The following GTF2IRD1 variants were observed in gnomAD, a reference collection of about 807,000 sequenced individuals.
The protein encoded by GTF2IRD1 is general transcription factor II-I repeat domain-containing protein 1.
Under a neutral mutation model 113.2 loss-of-function variants are expected in GTF2IRD1, and 26 were observed. That is an observed-to-expected ratio of 0.23 (90% CI 0.17 to 0.32). The LOEUF (loss-of-function observed/expected upper bound fraction) is 0.32, where lower values mean the gene tolerates loss of function less well. Ranked by LOEUF, GTF2IRD1 falls within the 10% of genes least tolerant of loss-of-function variation. GTF2IRD1 has a pLI of 1.00. For missense variants in GTF2IRD1, 864 were observed against 1,280.8 expected (o/e 0.67, Z 4.97); for synonymous variants, 484 against 529.1 (o/e 0.91, Z 1.17).
At chr7:74,564,593 A>T (rs1325135325) in intron 22 of GTF2IRD1, among the ~76,000 whole-genome samples, 1 of 151,996 alleles carries the variant, frequency 6.6e-6, no homozygotes, top group Non-Finnish European at 1.5e-5. Flanking sequence ...CTGCAAAGAC[A>T]TTTTTTTAAA....
intron 8 of GTF2IRD1, among the ~76,000 whole-genome samples, chr7:74,524,567 A>G (rs1465610772): frequency 6.6e-6 from 1 of 151,712 alleles, no homozygotes; most frequent in Non-Finnish European, 1.5e-5. Context: ...TCTCTACAAA[A>G]ACAAATTTTT....
intron 6 of GTF2IRD1, among the ~76,000 whole-genome samples, chr7:74,520,217 C>G (rs587633961): frequency 1.3e-5 from 2 of 151,782 alleles, no homozygotes; most frequent in East Asian, 3.9e-4. Flanking sequence ...CCATGAGGAC[C>G]CATTCCAACT....
chr7:74,527,804 G>A (rs1797694192), intron 8 of GTF2IRD1, among the ~76,000 whole-genome samples: 1 of 152,016 alleles, frequency 6.6e-6, no homozygotes, highest in Non-Finnish European at 1.5e-5. Context: ...TTGTGCCGCT[G>A]CACTCCAGCC....
chr7:74,534,651 A>G (rs1798177047), intron 9 of GTF2IRD1, among the ~76,000 whole-genome samples: 1 of 151,454 alleles, frequency 6.6e-6, no homozygotes, highest in Non-Finnish European at 1.5e-5. Flanking sequence ...GAGAGACCCC[A>G]CTCCCCTGCT....
At chr7:74,600,260 A>G (rs1167583255) in intron 25 of GTF2IRD1, among the ~76,000 whole-genome samples, 1 of 152,102 alleles carries the variant, frequency 6.6e-6, no homozygotes, top group Non-Finnish European at 1.5e-5. Context: ...TGATGCAGAA[A>G]TACAAAAAGT....
chr7:74,484,292 T>C (rs1794899991), intron 1 of GTF2IRD1, among the ~76,000 whole-genome samples: 2 of 152,100 alleles, frequency 1.3e-5, no homozygotes, highest in Admixed American at 6.6e-5. Flanking sequence ...TTTTTTTATT[T>C]TTAAATTGAG....
At chr7:74,491,995 GTTTGTT>G (rs149911602) in intron 1 of GTF2IRD1, among the ~76,000 whole-genome samples, 23,255 of 151,416 alleles carry the variant, frequency 0.15, 2,436 homozygotes, top group East Asian at 0.41. Flanking sequence ...TTTCTTGTTC[GTTTGTT>G]TTTGTTTTTG....
chr7:74,458,249 G>T (rs1283558141), intron 1 of GTF2IRD1, among the ~76,000 whole-genome samples: 1 of 152,112 alleles, frequency 6.6e-6, no homozygotes, highest in Non-Finnish European at 1.5e-5. Context: ...GACTGGAAGG[G>T]AATTTCCTGA....
At chr7:74,568,032 C>A (rs2130845664) in intron 22 of GTF2IRD1, among the ~76,000 whole-genome samples, 1 of 152,128 alleles carries the variant, frequency 6.6e-6, no homozygotes, top group Non-Finnish European at 1.5e-5. Context: ...AATGATCCAC[C>A]TGCCTCAGCC....
At chr7:74,586,521 A>G (rs1215355134) in intron 22 of GTF2IRD1, among the ~76,000 whole-genome samples, 1 of 152,206 alleles carries the variant, frequency 6.6e-6, no homozygotes, top group Non-Finnish European at 1.5e-5. Context: ...TCAGCAACTC[A>G]GAGATGTGCA....
At chr7:74,518,608 A>C (rs1193570777) in intron 5 of GTF2IRD1, among the ~76,000 whole-genome samples, 1 of 152,166 alleles carries the variant, frequency 6.6e-6, no homozygotes, top group African/African-American at 2.4e-5. Context: ...GGTCGGGTAC[A>C]GTAGCTCATG....
chr7:74,572,747 A>C (rs139526014), intron 22 of GTF2IRD1, among the ~76,000 whole-genome samples: 57 of 152,188 alleles, frequency 3.7e-4, no homozygotes, highest in African/African-American at 1.3e-3. Context: ...CCCTTTCTCA[A>C]GTTTCTAAAG....
rs1417217839 is a variant in GTF2IRD1, at chr7:74,512,550, G to T, written c.124-280G>T. 6.6e-6 allele frequency among the ~76,000 whole-genome samples: 1 copy of T among 152,180 alleles called. No individual in the cohort carries two copies. Among genetic ancestry groups the T allele is most frequent in the South Asian group, 2.1e-4 (1 of 4,832 alleles). On this transcript the variant is annotated intron_variant, in intron 2 of 26. Transcript: ENST00000424337. This position sits in a 1 kb window ranked among gnomAD's most constrained non-coding sequence, Gnocchi z 4.4. ...AAACCCAGCACGGCATTGTCCCTGG[G>T]GCTGGGGCTAAGGGGGGCCTACCCC...
chr7:74,554,360 T>C (rs1483537402), intron 17 of GTF2IRD1, among the ~76,000 whole-genome samples: 1 of 152,302 alleles, frequency 6.6e-6, no homozygotes. Context: ...GGTTGACTCA[T>C]GTCTGGACAG....
intron 24 of GTF2IRD1, 83 bp downstream of exon 24, chr7:74,591,100 G>A: frequency 1.1e-6 from 1 of 896,558 alleles, no homozygotes. Flanking sequence ...TGGGTCAGCT[G>A]GGATCCAGAC....
chr7:74,568,294 C>T (rs1203109111), intron 22 of GTF2IRD1, among the ~76,000 whole-genome samples: 2 of 127,522 alleles, frequency 1.6e-5, no homozygotes, highest in African/African-American at 3.0e-5. Flanking sequence ...CACTTGAGCC[C>T]AGGAGTTTGA....
intron 1 of GTF2IRD1, among the ~76,000 whole-genome samples, chr7:74,493,731 C>T (rs1170816089): frequency 6.6e-6 from 1 of 151,950 alleles, no homozygotes; most frequent in Non-Finnish European, 1.5e-5. Context: ...ACCTTATTCT[C>T]ATTTATGTGG....
At chr7:74,517,106 C>T (rs1454419207) in intron 4 of GTF2IRD1, among the ~76,000 whole-genome samples, 1 of 151,980 alleles carries the variant, frequency 6.6e-6, no homozygotes. Context: ...TCATTACAAC[C>T]TCCCCCTCCT....
Position 74,555,345 on chromosome 7 carries a change from C to T in GTF2IRD1, c.1967-93C>T, listed in dbSNP as rs782471688. 8 of 1,463,784 alleles carry T rather than the reference C, an allele frequency of 5.5e-6. No individual in the cohort carries two copies. The Admixed American group carries it at 1.2e-4, about 22-fold the overall frequency. The allele number at this position is 1,463,784 out of a possible 1,614,324, so 90.7% of individuals were successfully genotyped here. On this transcript the variant is annotated intron_variant, in intron 18 of 26. Transcript: ENST00000424337. This position sits in a 1 kb window ranked among gnomAD's most constrained non-coding sequence, Gnocchi z 5.3. ...CCCATCCTGGCCCTGGCATTCTCCC[C>T]ACACCCCCACATTGGGTTTCCCCTA...
Sources: gnomAD v4.1 joint callset for allele counts (sites outside exome capture counted in the v4.1 genomes callset) on GRCh38, gnomAD v4.1.1 for gene constraint, Gnocchi (gnomAD v3.1) non-coding constraint, MANE v1.5 for transcripts, NCBI Gene and HGNC (gene_info 2026-07-23, HGNC 2026-07-21) for gene names.